The following SLC3A1 variants were observed in gnomAD, a reference collection of about 807,000 sequenced individuals.
SLC3A1 encodes the protein amino acid transporter heavy chain SLC3A1.
Under a neutral mutation model 60.3 loss-of-function variants are expected in SLC3A1, and 78 were observed. That is an observed-to-expected ratio of 1.29 (90% CI 1.08 to 1.56). The LOEUF is 1.56. Ranked by LOEUF, SLC3A1 falls within the 40% of genes most tolerant of loss-of-function variation. SLC3A1 has a pLI of 0.00. For missense variants in SLC3A1, 1,172 were observed against 858.9 expected, an observed-to-expected ratio of 1.36 and a Z score of -4.56; for synonymous variants, 392 against 307.9, an observed-to-expected ratio of 1.27 and a Z score of -2.86.
intron 9 of SLC3A1, among the ~76,000 whole-genome samples, chr2:44,317,236 GAGGAT>G: frequency 6.6e-6 from 1 of 152,292 alleles, no homozygotes; most frequent in Non-Finnish European, 1.5e-5. Context: ...GCCAAGACTG[GAGGAT>G]CACTTGATCC....
At chr2:44,299,430 G>T (rs1449480307) in intron 4 of SLC3A1, among the ~76,000 whole-genome samples, 1 of 152,198 alleles carries the variant, frequency 6.6e-6, no homozygotes, top group Non-Finnish European at 1.5e-5. Flanking sequence ...TATTTACTTG[G>T]TTGATGGTTG....
Position 44,320,221 on chromosome 2 carries a change from C to T in SLC3A1, c.1640C>T (p.Ser547Leu), listed in dbSNP as rs368796166. 2.9e-5 allele frequency: 46 copies of T among 1,613,578 alleles called. No homozygotes were observed. Among genetic ancestry groups the T allele is most frequent in the Non-Finnish European group, 3.4e-5 (40 of 1,179,742 alleles). ...TAGGTCCAAAAGACTCAGCCCAGAT[C>T]GGCTTTGAAGTTATATCAAGATTTA... ...NVDVQKTQPR[S>L]ALKLYQDLSL... The change falls in exon 10 of 10, where the codon TCG becomes TTG. Residue 547 changes from serine (S) to leucine (L), a missense_variant. By Grantham distance (145) the Ser-to-Leu change is moderately radical. Coordinates refer to ENST00000260649, the MANE Select transcript of SLC3A1 (RefSeq NM_000341.4).
In SLC3A1 at chr2:44,300,558, A is replaced by G. The variant is rs565684942; in HGVS notation, c.1012-445A>G. On this transcript the variant is annotated intron_variant, in intron 5 of 9. Coordinates refer to ENST00000260649, the MANE Select transcript of SLC3A1 (RefSeq NM_000341.4). The stretch of plus-strand genomic sequence containing the variant: ...CAGAAACTAGGAAAAATTTACTGAA[A>G]CCCCGAGAAAGTATAACAGTTAGGA... Among the ~76,000 whole-genome samples, 12 of 152,306 alleles carry G rather than the reference A, an allele frequency of 7.9e-5. No individual in the cohort carries two copies. The East Asian group carries it at 2.1e-3, about 27-fold the overall frequency.
intron 6 of SLC3A1, among the ~76,000 whole-genome samples, chr2:44,303,018 G>A (rs1008140853): frequency 6.6e-6 from 1 of 151,922 alleles, no homozygotes; most frequent in Non-Finnish European, 1.5e-5. Flanking sequence ...GGCCAACATG[G>A]TGAAACCCTG....
chr2:44,286,875 C>CA (rs2104343745), intron 4 of SLC3A1, among the ~76,000 whole-genome samples: 1 of 152,004 alleles, frequency 6.6e-6, no homozygotes, highest in South Asian at 2.1e-4. Context: ...TGAGCTGCTG[C>CA]AGGGAGGTGG....
At position 44,281,508 on chromosome 2, in the gene SLC3A1, T is replaced by A; in HGVS notation, c.732T>A (p.His244Gln). 6 of 1,614,128 alleles carry A rather than the reference T, an allele frequency of 3.7e-6. No individual in the cohort carries two copies. Among genetic ancestry groups the A allele is most frequent in the Non-Finnish European group, 5.1e-6 (6 of 1,179,998 alleles). The stretch of plus-strand genomic sequence containing the variant: ...ATTATATCTGGCATGACTGTACCCA[T>A]GAAAATGGCAAAACCATTCCACCCA... ...TDYYIWHDCT[H>Q]ENGKTIPPNN... The change falls in exon 3 of 10, where the codon CAT becomes CAA. Residue 244 changes from histidine (H) to glutamine (Q), a missense_variant. By Grantham distance (24) the His-to-Gln change is conservative (BLOSUM62 0). Transcript: ENST00000260649.
intron 9 of SLC3A1, chr2:44,314,300 G>T (rs1009398392): frequency 7.6e-6 from 4 of 528,496 alleles, no homozygotes; most frequent in East Asian, 3.2e-5. Context: ...GGAGAGAGGC[G>T]AGTGGATAGG....
intron 7 of SLC3A1, among the ~76,000 whole-genome samples, chr2:44,307,625 C>T (rs189239728): frequency 3.4e-4 from 49 of 145,948 alleles, no homozygotes; most frequent in Non-Finnish European, 6.0e-4. Flanking sequence ...TTTTCATGTG[C>T]TTATTGGACA....
chr2:44,284,182 C>T (rs1027035413), intron 3 of SLC3A1, among the ~76,000 whole-genome samples: 1 of 152,116 alleles, frequency 6.6e-6, no homozygotes, highest in Non-Finnish European at 1.5e-5. Flanking sequence ...TCAGTTCAAG[C>T]GATTCTCCTG....
In SLC3A1 at chr2:44,286,127, C is replaced by A; in HGVS notation, c.861C>A (p.Phe287Leu). The A allele has an allele frequency of 6.2e-7, 1 of 1,614,010 alleles. No homozygotes were observed. Among genetic ancestry groups the A allele is most frequent in the Non-Finnish European group, 8.5e-7 (1 of 1,179,920 alleles). ...TGAAAGAGCAACCTGATTTAAATTT[C>A]CGCAATCCTGATGTTCAAGAAGAAA... ...QFMKEQPDLNFRNPDVQEEIK... is the reference protein window; with the variant it reads ...QFMKEQPDLNLRNPDVQEEIK... Residue 287 changes from phenylalanine to leucine, a missense_variant, in exon 4 of 10, where the codon TTC becomes TTA. Phe to Leu is a conservative substitution (Grantham distance 22). Transcript: ENST00000260649.
intron 1 of SLC3A1, 150 bp from the exon 2 acceptor site, chr2:44,280,566 C>T (rs531984548): frequency 1.4e-5 from 9 of 648,242 alleles, no homozygotes; most frequent in Non-Finnish European, 1.9e-5. Flanking sequence ...AGAGCTAGAT[C>T]TTCCTATTTG....
chr2:44,279,760 A>T (rs1671449748), intron 1 of SLC3A1, among the ~76,000 whole-genome samples: 1 of 152,128 alleles, frequency 6.6e-6, no homozygotes, highest in Non-Finnish European at 1.5e-5. Context: ...ACGGGGTTTT[A>T]TCATGTTACC....
At chr2:44,280,210 C>A (rs755931423) in intron 1 of SLC3A1, among the ~76,000 whole-genome samples, 3 of 151,804 alleles carry the variant, frequency 2.0e-5, no homozygotes, top group African/African-American at 4.8e-5. Flanking sequence ...TAAATGTCAT[C>A]GATTACTGAT....
At chr2:44,321,691 C>A, downstream of SLC3A1, 6 of 1,568,388 alleles carry the variant, frequency 3.8e-6, no homozygotes, top group Non-Finnish European at 5.2e-6. Context: ...GTCCCTCCCT[C>A]CCCTCCTGGG....
At chr2:44,301,738 CAAA>C (rs10657360) in intron 6 of SLC3A1, among the ~76,000 whole-genome samples, 5 of 93,464 alleles carry the variant, frequency 5.3e-5, no homozygotes, top group Non-Finnish European at 7.9e-5. Flanking sequence ...GACTCCATCA[CAAA>C]AAAAAAAAAA....
At chr2:44,277,926 G>C (rs925408190) in intron 1 of SLC3A1, among the ~76,000 whole-genome samples, 2 of 152,156 alleles carry the variant, frequency 1.3e-5, no homozygotes, top group African/African-American at 4.8e-5. Context: ...CCAGCTTTGA[G>C]TCTGGTTTTG....
At chr2:44,287,727 C>G (rs968785984) in intron 4 of SLC3A1, among the ~76,000 whole-genome samples, 1 of 152,048 alleles carries the variant, frequency 6.6e-6, no homozygotes, top group African/African-American at 2.4e-5. Flanking sequence ...GCTCCTATGG[C>G]TACAGTGGGC....
chr2:44,286,236 A>C, intron 4 of SLC3A1, 79 bp downstream of exon 4: 2 of 1,376,252 alleles, frequency 1.5e-6, no homozygotes, highest in Non-Finnish European at 2.1e-6. Context: ...ATTGCACAGT[A>C]ATTGTGTAGG....
chr2:44,297,468 C>G (rs1197055926), intron 4 of SLC3A1, among the ~76,000 whole-genome samples: 1 of 152,212 alleles, frequency 6.6e-6, no homozygotes, highest in Non-Finnish European at 1.5e-5. Flanking sequence ...AGGTCAAGTT[C>G]AAGCTCTAGC....
Sources: gnomAD v4.1 joint callset for allele counts (sites outside exome capture counted in the v4.1 genomes callset) on GRCh38, gnomAD v4.1.1 for gene constraint, MANE v1.5 for transcripts, NCBI Gene and HGNC (gene_info 2026-07-23, HGNC 2026-07-21) for gene names.